CEP63: variants seen among roughly 807,000 people sequenced by gnomAD.
The protein encoded by CEP63 is centrosomal protein of 63 kDa.
In CEP63, 84 loss-of-function variants were observed where a neutral mutation model predicts 89.1. The observed-to-expected ratio is 0.94, with a 90% CI of 0.79 to 1.13. The LOEUF (loss-of-function observed/expected upper bound fraction) is 1.13. CEP63 is among the 50% of genes most tolerant of loss of function. The pLI is 0.00. For synonymous variants in CEP63, 267 were observed against 272.5 expected (o/e 0.98, Z 0.20); for missense variants, 838 against 813.3 (o/e 1.03, Z -0.37).
the CEP63 span, among the ~76,000 whole-genome samples, chr3:134,687,373 C>T: frequency 1.3e-5 from 2 of 152,216 alleles, no homozygotes; most frequent in African/African-American, 2.4e-5. Flanking sequence ...ACTCAGACTG[C>T]AGCAAACACA....
chr3:134,777,307 A>G, the CEP63 span, among the ~76,000 whole-genome samples: 1 of 152,162 alleles, frequency 6.6e-6, no homozygotes, highest in African/African-American at 2.4e-5. Flanking sequence ...CATACTTTAG[A>G]CTCTTTGTGA....
chr3:134,520,037 G>A (rs1947099485), intron 3 of CEP63, among the ~76,000 whole-genome samples: 1 of 152,136 alleles, frequency 6.6e-6, no homozygotes, highest in Non-Finnish European at 1.5e-5. Flanking sequence ...AGGATGCCCA[G>A]TATCACCACT....
At chr3:134,705,771 G>T in the CEP63 span, among the ~76,000 whole-genome samples, 1 of 152,146 alleles carries the variant, frequency 6.6e-6, no homozygotes, top group Non-Finnish European at 1.5e-5. Context: ...CATTTGGTTC[G>T]CTCTCATTGT....
the CEP63 span, among the ~76,000 whole-genome samples, chr3:134,752,353 G>A: frequency 1.3e-5 from 2 of 152,134 alleles, no homozygotes; most frequent in South Asian, 2.1e-4. Flanking sequence ...CTGTGCCTGA[G>A]GAAAGTGTCC....
upstream of CEP63, chr3:134,485,828 G>A (rs956276455): frequency 1.1e-5 from 3 of 280,388 alleles, no homozygotes; most frequent in Non-Finnish European, 1.6e-5. Context: ...GTGCAGTAAA[G>A]AAAAACGGTT....
intron 2 of CEP63, among the ~76,000 whole-genome samples, chr3:134,503,100 C>CTTTTTTTTTTTTTT (rs34673408): frequency 3.3e-5 from 3 of 92,042 alleles, no homozygotes; most frequent in African/African-American, 8.6e-5. Context: ...TGATTTCAAT[C>CTTTTTTTTTTTTTT]TTTTTTTTTT....
chr3:134,621,664 T>A, the CEP63 span, among the ~76,000 whole-genome samples: 1 of 152,188 alleles, frequency 6.6e-6, no homozygotes, highest in Non-Finnish European at 1.5e-5. Flanking sequence ...TGGCAATGAA[T>A]TCTTAGATAT....
chr3:134,669,001 G>A, the CEP63 span, among the ~76,000 whole-genome samples: 2 of 152,140 alleles, frequency 1.3e-5, no homozygotes, highest in African/African-American at 4.8e-5. Context: ...CATGTATTTA[G>A]GGCAGTATGC....
chr3:134,612,678 G>A, the CEP63 span, among the ~76,000 whole-genome samples: 3 of 151,796 alleles, frequency 2.0e-5, no homozygotes. Context: ...AGTGAGCTAA[G>A]CAGTGCCCCT....
chr3:134,496,433 G>GT (rs950851037), intron 2 of CEP63, among the ~76,000 whole-genome samples: 1 of 16,926 alleles, frequency 5.9e-5, no homozygotes, highest in Non-Finnish European at 1.5e-4. Context: ...GAAAAAAAAG[G>GT]GGGGGGGGGC....
At chr3:134,491,675 C>A (rs1274372100) in intron 1 of CEP63, among the ~76,000 whole-genome samples, 1 of 152,102 alleles carries the variant, frequency 6.6e-6, no homozygotes, top group Non-Finnish European at 1.5e-5. Context: ...TAATTAGGAG[C>A]CTTTCTGGAA....
the CEP63 span, among the ~76,000 whole-genome samples, chr3:134,705,571 T>G: frequency 0.024 from 3,694 of 152,334 alleles, 146 homozygotes; most frequent in African/African-American, 0.084. Flanking sequence ...GTAGATCCAC[T>G]GTGAGATCTA....
At chr3:134,580,012 A>G (rs1425231527), downstream of CEP63, among the ~76,000 whole-genome samples, 1 of 152,118 alleles carries the variant, frequency 6.6e-6, no homozygotes, top group Non-Finnish European at 1.5e-5. Flanking sequence ...CCTGGTTAAC[A>G]TGGTGAAATC....
At chr3:134,594,620 G>C in the CEP63 span, among the ~76,000 whole-genome samples, 1 of 152,138 alleles carries the variant, frequency 6.6e-6, no homozygotes, top group South Asian at 2.1e-4. Flanking sequence ...TTCCCACAGG[G>C]GCAAAGGAGT....
intron 3 of CEP63, among the ~76,000 whole-genome samples, chr3:134,520,211 A>G (rs1947144104): frequency 6.6e-6 from 1 of 152,212 alleles, no homozygotes; most frequent in African/African-American, 2.4e-5. Flanking sequence ...GACAGAATTA[A>G]CAAATGAAAT....
exon 12 of CEP63, chr3:134,574,927 T>G: frequency 2.0e-6 from 1 of 492,970 alleles, no homozygotes; most frequent in Non-Finnish European, 3.6e-6. Context: ...TTTAACAATT[T>G]GTCAATGAAA....
At chr3:134,608,677 G>C in the CEP63 span, 1 of 1,614,046 alleles carries the variant, frequency 6.2e-7, no homozygotes, top group Non-Finnish European at 8.5e-7. Flanking sequence ...TCTCTGGGTG[G>C]GCACTCAGCA....
intron 2 of CEP63, among the ~76,000 whole-genome samples, chr3:134,501,507 C>T (rs1170090258): frequency 6.6e-6 from 1 of 152,070 alleles, no homozygotes; most frequent in Non-Finnish European, 1.5e-5. Flanking sequence ...TGATTTCTTT[C>T]AGCAGTGTTT....
At chr3:134,650,893 C>G in the CEP63 span, 1 of 1,613,040 alleles carries the variant, frequency 6.2e-7, no homozygotes. Flanking sequence ...TGCGGCGCGC[C>G]GCTTCTCCGA....
Sources: allele counts gnomAD v4.1 joint callset (sites outside exome capture counted in the v4.1 genomes callset), GRCh38; gene constraint gnomAD v4.1.1; transcripts MANE v1.5; gene names NCBI Gene and HGNC (gene_info 2026-07-23, HGNC 2026-07-21).